GORASP2: variants seen among roughly 807,000 people sequenced by gnomAD.
The protein encoded by GORASP2 is Golgi reassembly-stacking protein 2.
GORASP2 carries 22 observed loss-of-function variants against 45.7 expected under a neutral mutation model. The observed-to-expected ratio is 0.48, with a 90% CI of 0.34 to 0.69. The LOEUF (loss-of-function observed/expected upper bound fraction) is 0.69. Ranked by LOEUF, GORASP2 falls within the 30% of genes least tolerant of loss-of-function variation. The pLI is 0.01. For synonymous variants in GORASP2, 221 were observed against 215.6 expected, an observed-to-expected ratio of 1.02 and a Z score of -0.22; for missense variants, 491 against 562.7, an observed-to-expected ratio of 0.87 and a Z score of 1.29.
chr2:170,929,200 C>G (rs1017203600), upstream of GORASP2: 1 of 564,950 alleles, frequency 1.8e-6, no homozygotes, highest in East Asian at 3.5e-5. Flanking sequence ...CAGAGACGAT[C>G]TCCCGGCGGG....
intron 1 of GORASP2, among the ~76,000 whole-genome samples, chr2:170,941,443 G>T (rs192225295): frequency 1.3e-5 from 2 of 152,208 alleles, no homozygotes; most frequent in African/African-American, 2.4e-5. Flanking sequence ...TATTAAAAGA[G>T]TGCACACAAG....
chr2:170,929,244 C>A, upstream of GORASP2: 1 of 970,888 alleles, frequency 1.0e-6, no homozygotes, highest in Non-Finnish European at 1.4e-6. Flanking sequence ...GCAGCGAGTG[C>A]CACGTCCCAA....
chr2:170,953,828 C>G (rs1575476599), intron 5 of GORASP2: 1 of 152,362 alleles, frequency 6.6e-6, no homozygotes, highest in East Asian at 1.9e-4. Context: ...ATTCATTCTA[C>G]TAAACCCATT....
At chr2:170,963,552 T>C (rs979373001) in intron 9 of GORASP2, among the ~76,000 whole-genome samples, 3 of 141,864 alleles carry the variant, frequency 2.1e-5, no homozygotes, top group Admixed American at 1.5e-4. Flanking sequence ...GCACTGACTT[T>C]AATGAAAGTG....
chr2:170,930,998 G>C (rs1288275870), intron 1 of GORASP2, among the ~76,000 whole-genome samples: 2 of 149,322 alleles, frequency 1.3e-5, no homozygotes, highest in Non-Finnish European at 3.0e-5. Context: ...AAAGTCGCGT[G>C]TTTGAAAGAA....
At chr2:170,938,184 A>T (rs1703998136) in intron 1 of GORASP2, among the ~76,000 whole-genome samples, 1 of 152,252 alleles carries the variant, frequency 6.6e-6, no homozygotes, top group Admixed American at 6.5e-5. Context: ...TTAACTTAGA[A>T]TGTGGAATAT....
intron 1 of GORASP2, among the ~76,000 whole-genome samples, chr2:170,939,209 A>G (rs1704020513): frequency 6.6e-6 from 1 of 152,202 alleles, no homozygotes. Flanking sequence ...TTATGCAATA[A>G]TGGGTTTTTA....
intron 7 of GORASP2, among the ~76,000 whole-genome samples, chr2:170,959,760 A>T (rs1704507972): frequency 6.6e-6 from 1 of 151,020 alleles, no homozygotes; most frequent in Non-Finnish European, 1.5e-5. Flanking sequence ...TTTAGAAAAG[A>T]TTTTGAAGTG....
chr2:170,963,435 G>GCTA, intron 9 of GORASP2, among the ~76,000 whole-genome samples: 1 of 138,436 alleles, frequency 7.2e-6, no homozygotes, highest in African/African-American at 3.1e-5. Context: ...CGCTGCTACT[G>GCTA]CTGCTGCTGC....
intron 1 of GORASP2, among the ~76,000 whole-genome samples, chr2:170,931,273 A>G (rs1044907657): frequency 1.3e-5 from 2 of 152,232 alleles, no homozygotes; most frequent in African/African-American, 2.4e-5. Context: ...TAAAATAGTA[A>G]TGATCTAGTT....
chr2:170,938,294 G>C (rs1703999905), intron 1 of GORASP2, among the ~76,000 whole-genome samples: 1 of 152,198 alleles, frequency 6.6e-6, no homozygotes, highest in Non-Finnish European at 1.5e-5. Flanking sequence ...TACTACTGTA[G>C]TTGTAAACAT....
Position 170,965,934 on chromosome 2 carries a change from C to T in GORASP2, c.1163C>T (p.Pro388Leu), listed in dbSNP as rs761792319. Residue 388 changes from proline to leucine, a missense_variant, in exon 10 of 10, where the codon CCG (proline) becomes CTG (leucine). Pro to Leu is a moderately conservative substitution (Grantham distance 98). Coordinates refer to ENST00000234160, the MANE Select transcript of GORASP2 (RefSeq NM_015530.5). ...TCAGGAGAGCTGCTGTCTTCCCTCC[C>T]GCCCACCAGCAACGCACCCTCCGAC... Reference protein sequence around the residue: ...ASSGELLSSLPPTSNAPSDPA... With the variant: ...ASSGELLSSLLPTSNAPSDPA... The T allele has an allele frequency of 1.4e-5, 22 of 1,613,792 alleles. No individual in the cohort carries two copies. The Middle Eastern group carries it at 4.9e-4, about 36-fold the overall frequency.
At chr2:170,961,222 C>A (rs1286769720) in intron 7 of GORASP2, among the ~76,000 whole-genome samples, 7 of 152,248 alleles carry the variant, frequency 4.6e-5, no homozygotes, top group Non-Finnish European at 1.0e-4. Flanking sequence ...TCATTCTTTT[C>A]TTTCACAGAC....
intron 3 of GORASP2, 79 bp downstream of exon 3, chr2:170,949,821 TTAA>T (rs1704259346): frequency 1.1e-5 from 14 of 1,223,662 alleles, no homozygotes; most frequent in Non-Finnish European, 1.7e-5. Context: ...TGTTTCTGGC[TTAA>T]TAAGATTGTA....
chr2:170,930,108 A>G (rs1161103241), intron 1 of GORASP2, among the ~76,000 whole-genome samples: 2 of 152,206 alleles, frequency 1.3e-5, no homozygotes, highest in Non-Finnish European at 2.9e-5. Flanking sequence ...CCACAGTGGT[A>G]AAGAGGTAGT....
In GORASP2 at chr2:170,951,463, G is replaced by A. The variant is rs768286952; in HGVS notation, c.566+5G>A. ...TGCATGGGGTGGAGAAGGCAGGTAA[G>A]GTCATTTTTTAGACTAAGTTATGAC... On this transcript the variant is annotated splice_donor_5th_base_variant and intron_variant, in intron 5 of 9. Coordinates refer to ENST00000234160, the MANE Select transcript of GORASP2 (RefSeq NM_015530.5). 9 of 1,601,468 alleles carry A rather than the reference G, an allele frequency of 5.6e-6. No homozygotes were observed. The highest frequency in any genetic ancestry group is 7.7e-6 in the Non-Finnish European group (9 of 1,175,116).
intron 9 of GORASP2, 21 bp from the exon 10 acceptor site, chr2:170,965,769 T>C: frequency 1.9e-6 from 3 of 1,542,516 alleles, no homozygotes; most frequent in Non-Finnish European, 2.7e-6. Flanking sequence ...GGATGTATGA[T>C]CTATGCCGTT....
chr2:170,931,479 CTG>C (rs1170235754), intron 1 of GORASP2, among the ~76,000 whole-genome samples: 12 of 152,264 alleles, frequency 7.9e-5, no homozygotes, highest in South Asian at 2.1e-4. Context: ...ACTGGAGTAA[CTG>C]TGGCAGGAAA....
intron 1 of GORASP2, among the ~76,000 whole-genome samples, chr2:170,938,696 C>T (rs985109872): frequency 6.6e-6 from 1 of 152,124 alleles, no homozygotes; most frequent in East Asian, 1.9e-4. Flanking sequence ...CATAGTTAGC[C>T]TCCTCATTTT....
Sources: gnomAD v4.1 joint callset for allele counts (sites outside exome capture counted in the v4.1 genomes callset) on GRCh38, gnomAD v4.1.1 for gene constraint, MANE v1.5 for transcripts, NCBI Gene and HGNC (gene_info 2026-07-23, HGNC 2026-07-21) for gene names.